The following TMEM156 variants were observed in gnomAD, a reference collection of about 807,000 sequenced individuals.
The protein encoded by TMEM156 is transmembrane protein 156.
TMEM156 carries 28 observed loss-of-function variants against 30.5 expected under a neutral mutation model. The ratio of observed to expected loss-of-function variants is 0.92; its 90% CI spans 0.68 to 1.26. TMEM156 has a LOEUF of 1.26. Ranked by LOEUF, TMEM156 falls within the 50% of genes most tolerant of loss-of-function variation. TMEM156 has a pLI of 0.00. For synonymous variants in TMEM156, 137 were observed against 119.9 expected (o/e 1.14, Z -0.93); for missense variants, 351 against 340.6 (o/e 1.03, Z -0.24).
chr4:38,992,306 T>A (rs1451109898), intron 3 of TMEM156, among the ~76,000 whole-genome samples: 1 of 151,906 alleles, frequency 6.6e-6, no homozygotes, highest in Non-Finnish European at 1.5e-5. Flanking sequence ...CCCCAACACC[T>A]GACACACTGC....
chr4:39,007,137 T>C (rs144063094), intron 1 of TMEM156, among the ~76,000 whole-genome samples: 23 of 152,312 alleles, frequency 1.5e-4, no homozygotes, highest in Non-Finnish European at 2.9e-4. Flanking sequence ...GGTTCTCAAT[T>C]TTGTTCCTTT....
intron 1 of TMEM156, among the ~76,000 whole-genome samples, chr4:39,024,854 C>T (rs952930286): frequency 2.6e-5 from 4 of 152,140 alleles, no homozygotes; most frequent in African/African-American, 7.2e-5. Context: ...TCCATTTTAT[C>T]GTATGTAAAT....
At chr4:38,987,372 C>A (rs1337001178) in intron 4 of TMEM156, among the ~76,000 whole-genome samples, 1 of 152,100 alleles carries the variant, frequency 6.6e-6, no homozygotes, top group Admixed American at 6.6e-5. Flanking sequence ...AGTGAAAATG[C>A]TCTGAAAATG....
At chr4:39,002,899 G>A (rs895473159) in intron 1 of TMEM156, among the ~76,000 whole-genome samples, 3 of 151,916 alleles carry the variant, frequency 2.0e-5, no homozygotes, top group African/African-American at 7.3e-5. Flanking sequence ...GGGTGGACGG[G>A]GGAGGGATAG....
chr4:38,984,762 A>G (rs1711848795), intron 5 of TMEM156, among the ~76,000 whole-genome samples: 1 of 152,170 alleles, frequency 6.6e-6, no homozygotes, highest in South Asian at 2.1e-4. Context: ...CTAAGCCTCA[A>G]AAGGGTTCTT....
chr4:39,011,519 T>C (rs1714117949), intron 1 of TMEM156, among the ~76,000 whole-genome samples: 1 of 152,210 alleles, frequency 6.6e-6, no homozygotes, highest in Admixed American at 6.5e-5. Context: ...CTCATGCCTG[T>C]AATCCCAGCA....
chr4:38,993,500 C>T (rs1192198463), intron 3 of TMEM156, among the ~76,000 whole-genome samples: 1 of 152,156 alleles, frequency 6.6e-6, no homozygotes, highest in Non-Finnish European at 1.5e-5. Flanking sequence ...CTTTCCAGTG[C>T]TCCTCAAATC....
At chr4:39,031,598 G>T (rs1377384500) in intron 1 of TMEM156, among the ~76,000 whole-genome samples, 2 of 152,020 alleles carry the variant, frequency 1.3e-5, no homozygotes, top group Non-Finnish European at 2.9e-5. Flanking sequence ...ACTTAAAGCT[G>T]CTTTGGGCCA....
In TMEM156 at chr4:38,973,417, A is replaced by G. The variant is rs140783308; in HGVS notation, c.824-2280T>C. ...CATTTTACTGAAGTTTTCTTCAGAA[A>G]GATCTTGCAAATTTCTTACTAAGTT... is the stretch of plus-strand genomic sequence containing the variant. On this transcript the variant is annotated intron_variant, in intron 5 of 6. Transcript: ENST00000381938. Among the ~76,000 whole-genome samples the G allele has an allele frequency of 1.4e-3, 206 of 152,298 alleles. 1 individual carries two copies. Among genetic ancestry groups the G allele is most frequent in the African/African-American group, 4.8e-3 (198 of 41,562 alleles).
At chr4:38,985,560 T>C (rs981312325) in intron 5 of TMEM156, among the ~76,000 whole-genome samples, 5 of 152,222 alleles carry the variant, frequency 3.3e-5, no homozygotes, top group Non-Finnish European at 7.3e-5. Flanking sequence ...CTCCCATTTT[T>C]GAAAACTGTT....
chr4:38,984,865 A>G (rs1711858095), intron 5 of TMEM156, among the ~76,000 whole-genome samples: 1 of 152,202 alleles, frequency 6.6e-6, no homozygotes, highest in South Asian at 2.1e-4. Context: ...GAGAGCTATG[A>G]AAGGGAAAGG....
chr4:39,007,178 A>C (rs1388708729), intron 1 of TMEM156, among the ~76,000 whole-genome samples: 2 of 152,146 alleles, frequency 1.3e-5, no homozygotes, highest in African/African-American at 4.8e-5. Context: ...CAAAGGTATC[A>C]TGCTGGCAAA....
At chr4:38,985,635 G>A (rs887690246) in intron 5 of TMEM156, among the ~76,000 whole-genome samples, 5 of 152,016 alleles carry the variant, frequency 3.3e-5, no homozygotes, top group East Asian at 1.9e-4. Context: ...GCACCTACTC[G>A]CTGGCTGTGT....
chr4:38,995,216 G>A (rs1712843902), intron 2 of TMEM156, among the ~76,000 whole-genome samples: 1 of 152,084 alleles, frequency 6.6e-6, no homozygotes, highest in Admixed American at 6.6e-5. Context: ...CCATCCTAAT[G>A]ACCTCATCTT....
intron 1 of TMEM156, among the ~76,000 whole-genome samples, chr4:39,031,895 AAAT>A (rs1219140018): frequency 0.056 from 6,556 of 116,670 alleles, 1,088 homozygotes; most frequent in African/African-American, 0.18. Flanking sequence ...AAAAAATAAA[AAAT>A]AAAAAAATAA....
chr4:38,992,713 T>TATATATATATAATATATATA (rs1712586654), intron 3 of TMEM156, among the ~76,000 whole-genome samples: 1 of 46,642 alleles, frequency 2.1e-5, no homozygotes, highest in African/African-American at 6.9e-5. Flanking sequence ...ATATATATAT[T>TATATATATATAATATATATA]ATATATATAT....
intron 4 of TMEM156, among the ~76,000 whole-genome samples, chr4:38,987,955 A>C (rs1313039919): frequency 6.6e-6 from 1 of 152,172 alleles, no homozygotes; most frequent in Non-Finnish European, 1.5e-5. Flanking sequence ...CATTTTATGC[A>C]CTGGGGACAT....
In TMEM156 at chr4:38,987,499, A is replaced by G. The variant is rs74740876; in HGVS notation, c.740-1080T>C. 3.7e-3 allele frequency among the ~76,000 whole-genome samples: 558 copies of G among 152,336 alleles called. 4 individuals are homozygous for G. Among genetic ancestry groups the G allele is most frequent in the African/African-American group, 0.013 (533 of 41,564 alleles). The stretch of plus-strand genomic sequence containing the variant: ...AACTGCTCTCAAAAATATCTGCAAC[A>G]AATACCTAGTCAAAAGAATGAATTG... On this transcript the variant is annotated intron_variant, in intron 4 of 6. Transcript: ENST00000381938.
chr4:39,004,595 C>T (rs563833782), intron 1 of TMEM156, among the ~76,000 whole-genome samples: 5 of 152,058 alleles, frequency 3.3e-5, no homozygotes, highest in South Asian at 4.2e-4. Context: ...CTGTGATTTG[C>T]TTTTACTTTG....
Sources: allele counts gnomAD v4.1 joint callset (sites outside exome capture counted in the v4.1 genomes callset), GRCh38; gene constraint gnomAD v4.1.1; transcripts MANE v1.5; gene names NCBI Gene and HGNC (gene_info 2026-07-23, HGNC 2026-07-21).